Variants in COL18A1 observed in about 807,000 individuals in gnomAD.
The protein encoded by COL18A1 is collagen alpha-1(XVIII) chain.
COL18A1 carries 133 observed loss-of-function variants against 168.0 expected under a neutral mutation model. The ratio of observed to expected loss-of-function variants is 0.79; its 90% CI spans 0.69 to 0.91. The LOEUF (loss-of-function observed/expected upper bound fraction) is 0.91, where lower values mean the gene tolerates loss of function less well. Ranked by LOEUF, COL18A1 falls within the 40% of genes least tolerant of loss-of-function variation. The pLI, the probability that COL18A1 is intolerant of heterozygous loss-of-function variation, is 0.00. For synonymous variants in COL18A1, 949 were observed against 809.0 expected (o/e 1.17, Z -2.94); for missense variants, 2,126 against 1,925.4 (o/e 1.10, Z -1.95).
chr21:45,499,656 C>T (rs553990576), intron 32 of COL18A1, among the ~76,000 whole-genome samples: 4 of 152,056 alleles, frequency 2.6e-5, no homozygotes, highest in African/African-American at 4.8e-5. Context: ...GGTGTCCCAT[C>T]GTCAGTGCAA....
At chr21:45,483,865 T>TAC (rs749878856) in intron 15 of COL18A1, among the ~76,000 whole-genome samples, 4 of 151,208 alleles carry the variant, frequency 2.6e-5, no homozygotes, top group South Asian at 2.1e-4. Context: ...CATGTGCACA[T>TAC]ACACACACAC....
Position 45,417,509 on chromosome 21 carries a change from G to A in COL18A1, c.106+12036G>A, listed in dbSNP as rs546157665. ...CCTCAGGTGTCCTCTTCCGACTCGA[G>A]GGTCTCACGGGTGCCCCCGCCCTGC... On this transcript the variant is annotated intron_variant, in intron 2 of 41. Transcript: ENST00000651438. Among the ~76,000 whole-genome samples the A allele has an allele frequency of 2.0e-5, 3 of 152,276 alleles. No homozygotes were observed. In the South Asian group the frequency reaches 6.2e-4, roughly 32 times the overall value.
intron 2 of COL18A1, among the ~76,000 whole-genome samples, chr21:45,450,088 G>A (rs1369860043): frequency 6.6e-6 from 1 of 152,158 alleles, no homozygotes; most frequent in Non-Finnish European, 1.5e-5. Flanking sequence ...GCGTGCCCAT[G>A]GGCAGTGGGT....
In COL18A1 at chr21:45,443,727, A is replaced by G. The variant is rs192560864; in HGVS notation, c.107-24515A>G. Among the ~76,000 whole-genome samples, 12 of 152,194 alleles carry G rather than the reference A, an allele frequency of 7.9e-5. No individual in the cohort carries two copies. The East Asian group carries it at 1.5e-3, about 20-fold the overall frequency. On this transcript the variant is annotated intron_variant, in intron 2 of 41. Transcript: ENST00000651438. The surrounding 1 kb of genome is among the most constrained non-coding windows in gnomAD (Gnocchi z 5.2). ...CCGTGAAAACACAAATCAAGTGCCA[A>G]TTTCCTGGTGAAGAGTCTTTATGAG...
At chr21:45,422,991 T>G (rs1390509193) in intron 2 of COL18A1, among the ~76,000 whole-genome samples, 2 of 152,232 alleles carry the variant, frequency 1.3e-5, no homozygotes, top group African/African-American at 4.8e-5. Context: ...TTTTTGTATT[T>G]TTAGTAGAGA....
chr21:45,499,914 G>C (rs2036682375), intron 32 of COL18A1, among the ~76,000 whole-genome samples: 1 of 152,350 alleles, frequency 6.6e-6, no homozygotes, highest in South Asian at 2.1e-4. Context: ...TTTAGGTCCC[G>C]ATACATCTAC....
Position 45,480,729 on chromosome 21 carries a change from A to ACC in COL18A1, c.1487_1488dup (p.Gly497ProfsTer15). The ACC allele has an allele frequency of 6.2e-7, 1 of 1,609,218 alleles. No homozygotes were observed. The highest frequency in any genetic ancestry group is 8.5e-7 in the Non-Finnish European group (1 of 1,179,650). On this transcript the variant is annotated frameshift_variant, in exon 13 of 42. Transcript: ENST00000651438. LOFTEE classifies it high-confidence loss of function. Reference sequence around the variant, plus strand: ...CTCGAGGCTTCCCTGGACCTCCCGGACCCCCCGGTGTCCCAGGCCTGCCCG... The same window carrying ACC: ...CTCGAGGCTTCCCTGGACCTCCCGGACCCCCCCCGGTGTCCCAGGCCTGCCCG...
At chr21:45,449,073 CTT>C (rs1345679381) in intron 2 of COL18A1, among the ~76,000 whole-genome samples, 1 of 152,182 alleles carries the variant, frequency 6.6e-6, no homozygotes, top group African/African-American at 2.4e-5. Context: ...TCTAAAGTGT[CTT>C]TTCCCTGCGG....
chr21:45,494,245 C>CCCTCCAT, intron 26 of COL18A1: 1 of 371,090 alleles, frequency 2.7e-6, no homozygotes. Context: ...GTGGCACATG[C>CCCTCCAT]CCTCCACCCT....
chr21:45,413,622 T>C (rs2033362105), intron 2 of COL18A1, among the ~76,000 whole-genome samples: 1 of 152,202 alleles, frequency 6.6e-6, no homozygotes, highest in African/African-American at 2.4e-5. Flanking sequence ...ATCCGCTTCC[T>C]TTCTGTTATC....
chr21:45,474,432 CTG>C (rs1281341711), intron 4 of COL18A1, among the ~76,000 whole-genome samples: 18 of 133,882 alleles, frequency 1.3e-4, no homozygotes, highest in Admixed American at 2.2e-4. Flanking sequence ...TCGTGTGTGT[CTG>C]TGGTGTGTCT....
chr21:45,500,490 C>T (rs111164052), intron 32 of COL18A1, among the ~76,000 whole-genome samples: 3 of 16,560 alleles, frequency 1.8e-4, no homozygotes, highest in East Asian at 1.9e-3. Flanking sequence ...TGGTGTGTTG[C>T]GTGTGTAGTG....
intron 18 of COL18A1, among the ~76,000 whole-genome samples, chr21:45,488,661 C>G (rs1473375668): frequency 6.6e-6 from 1 of 152,130 alleles, no homozygotes; most frequent in Non-Finnish European, 1.5e-5. Context: ...GGGCCATTGT[C>G]CCGTTCTCTC....
intron 5 of COL18A1, 104 bp downstream of exon 5, chr21:45,475,639 C>T (rs2035620520): frequency 5.1e-6 from 5 of 978,908 alleles, no homozygotes; most frequent in South Asian, 4.2e-5. Context: ...TCCAAGAGCT[C>T]CCTCTATGCC....
At position 45,449,649 on chromosome 21, in the gene COL18A1, T is replaced by G. The variant is rs537139505; in HGVS notation, c.107-18593T>G. On this transcript the variant is annotated intron_variant, in intron 2 of 41. Transcript: ENST00000651438. ...GGTGTTAGACAGGGTGTGGCCACAC[T>G]CCCTCTGCTACCGTAGGTCTTCAGG... is the stretch of plus-strand genomic sequence containing the variant. Among the ~76,000 whole-genome samples, 3 of 152,190 alleles carry G rather than the reference T, an allele frequency of 2.0e-5. No individual in the cohort carries two copies. The South Asian group carries it at 6.2e-4, about 32-fold the overall frequency.
chr21:45,503,944 G>C, intron 32 of COL18A1, 67 bp from the exon 33 acceptor site: 7 of 1,575,254 alleles, frequency 4.4e-6, no homozygotes, highest in Non-Finnish European at 5.2e-6. Flanking sequence ...AGTGCTGGGG[G>C]CTGCAGAGGG....
intron 2 of COL18A1, among the ~76,000 whole-genome samples, chr21:45,437,773 C>A (rs1186561457): frequency 1.3e-5 from 1 of 78,340 alleles, no homozygotes; most frequent in African/African-American, 1.1e-4. Context: ...CTCCTGCACA[C>A]ACACACACTC....
chr21:45,485,221 G>A (rs867921195), intron 15 of COL18A1, among the ~76,000 whole-genome samples: 6 of 133,998 alleles, frequency 4.5e-5, no homozygotes, highest in East Asian at 4.4e-4. Flanking sequence ...GGCTGGTCTC[G>A]AACTCCTGCC....
At position 45,468,387 on chromosome 21, in the gene COL18A1, C is replaced by T. The variant is rs753638853; in HGVS notation, c.252C>T (p.Phe84=). 2 of 1,613,986 alleles carry T rather than the reference C, an allele frequency of 1.2e-6. No individual in the cohort carries two copies. The highest frequency in any genetic ancestry group is 3.3e-5 in the Admixed American group (2 of 60,038). Residue 84 remains phenylalanine, a synonymous_variant, in exon 3 of 42, where the codon TTC becomes TTT. Transcript: ENST00000651438. ...GTGGCCAAGTGGCCCGGTACCACTT[C>T]CCCAGCCTCTTCTTCCGTGACTTCT... ...ANSGQVARYH[F]PSLFFRDFSL...
Sources: gnomAD v4.1 joint callset for allele counts (sites outside exome capture counted in the v4.1 genomes callset) on GRCh38, gnomAD v4.1.1 for gene constraint, Gnocchi (gnomAD v3.1) non-coding constraint, MANE v1.5 for transcripts, NCBI Gene and HGNC (gene_info 2026-07-23, HGNC 2026-07-21) for gene names.